Variants in ERBB4 observed in about 807,000 individuals in gnomAD.
ERBB4 encodes the protein erb-b2 receptor tyrosine kinase 4.
In ERBB4, 42 loss-of-function variants were observed where a neutral mutation model predicts 158.0. The observed-to-expected ratio is 0.27, with a 90% CI of 0.21 to 0.34. ERBB4 has a LOEUF of 0.34. Among genes scored for constraint, ERBB4 ranks in the 10% least tolerant of loss-of-function variants. The pLI is 1.00. For synonymous variants in ERBB4, 583 were observed against 558.7 expected, an observed-to-expected ratio of 1.04 and a Z score of -0.61; for missense variants, 1,333 against 1,624.1, an observed-to-expected ratio of 0.82 and a Z score of 3.08.
intron 3 of ERBB4, among the ~76,000 whole-genome samples, chr2:211,801,959 A>T (rs2076506784): frequency 6.6e-6 from 1 of 152,178 alleles, no homozygotes; most frequent in Admixed American, 6.5e-5. Flanking sequence ...TAATCAGATT[A>T]GCATAAAACT....
At chr2:212,198,991 C>G (rs753615117) in intron 1 of ERBB4, among the ~76,000 whole-genome samples, 1 of 151,912 alleles carries the variant, frequency 6.6e-6, no homozygotes, top group African/African-American at 2.4e-5. Context: ...AATATCTGTT[C>G]GAGTCTCCAC....
At chr2:212,153,334 G>T (rs2080929784) in intron 1 of ERBB4, among the ~76,000 whole-genome samples, 1 of 152,084 alleles carries the variant, frequency 6.6e-6, no homozygotes, top group Non-Finnish European at 1.5e-5. Context: ...AAGTGAGTAA[G>T]AACACAAGAC....
chr2:211,439,063 G>A (rs2063918088), intron 20 of ERBB4, among the ~76,000 whole-genome samples: 1 of 151,942 alleles, frequency 6.6e-6, no homozygotes, highest in Admixed American at 6.6e-5. Context: ...ATGCTGTGGT[G>A]GGCTGCCCAG....
intron 1 of ERBB4, among the ~76,000 whole-genome samples, chr2:212,372,918 A>C (rs2090138600): frequency 1.3e-5 from 2 of 152,284 alleles, no homozygotes; most frequent in South Asian, 4.1e-4. Flanking sequence ...ATCTCTCAAG[A>C]CAAGATTAAA....
At chr2:212,462,951 G>A (rs1393553291) in intron 1 of ERBB4, among the ~76,000 whole-genome samples, 1 of 152,058 alleles carries the variant, frequency 6.6e-6, no homozygotes, top group Non-Finnish European at 1.5e-5. Flanking sequence ...GTCATTTATG[G>A]CAACATGGAT....
At chr2:212,526,655 CAT>C (rs1233450315) in intron 1 of ERBB4, among the ~76,000 whole-genome samples, 1 of 88,090 alleles carries the variant, frequency 1.1e-5, no homozygotes, top group East Asian at 3.1e-4. Context: ...AATTTGTTAA[CAT>C]ATTAGTTAAA....
At chr2:212,048,119 C>A (rs761417532) in intron 2 of ERBB4, among the ~76,000 whole-genome samples, 1 of 151,990 alleles carries the variant, frequency 6.6e-6, no homozygotes, top group Admixed American at 6.6e-5. Context: ...ATGACAAAGG[C>A]CTTTGGGCAG....
At chr2:211,961,696 T>C (rs2081184053) in intron 2 of ERBB4, among the ~76,000 whole-genome samples, 1 of 152,136 alleles carries the variant, frequency 6.6e-6, no homozygotes, top group Non-Finnish European at 1.5e-5. Context: ...TGGATCCAGC[T>C]GCCATTTGTT....
At chr2:212,506,897 T>C (rs1336127342) in intron 1 of ERBB4, among the ~76,000 whole-genome samples, 1 of 152,148 alleles carries the variant, frequency 6.6e-6, no homozygotes, top group African/African-American at 2.4e-5. Flanking sequence ...AAACAACAGA[T>C]TTTCCATGGA....
chr2:212,529,313 A>G (rs1692619710), intron 1 of ERBB4, among the ~76,000 whole-genome samples: 1 of 152,212 alleles, frequency 6.6e-6, no homozygotes, highest in South Asian at 2.1e-4. Flanking sequence ...CATGTTTAAA[A>G]GTGGTATCCA....
chr2:211,937,578 GA>G (rs2080361602), intron 3 of ERBB4, among the ~76,000 whole-genome samples: 1 of 152,106 alleles, frequency 6.6e-6, no homozygotes, highest in Admixed American at 6.6e-5. Flanking sequence ...CATGGCTGGG[GA>G]GGCCTCATGA....
chr2:212,516,876 G>A (rs1575068221), intron 1 of ERBB4, among the ~76,000 whole-genome samples: 2 of 152,220 alleles, frequency 1.3e-5, no homozygotes, highest in Admixed American at 1.3e-4. Context: ...GTGAGGTATT[G>A]AAGAAATGAA....
At chr2:212,231,297 A>G (rs1574482287) in intron 1 of ERBB4, among the ~76,000 whole-genome samples, 1 of 152,334 alleles carries the variant, frequency 6.6e-6, no homozygotes, top group East Asian at 1.9e-4. Context: ...GAAAGGAAAA[A>G]AAAAACAGGT....
chr2:212,000,514 T>C (rs75854405), intron 2 of ERBB4, among the ~76,000 whole-genome samples: 4,820 of 151,988 alleles, frequency 0.032, 77 homozygotes, highest in African/African-American at 0.048. Context: ...TCCCCTCATT[T>C]AGTAATCATT....
intron 3 of ERBB4, among the ~76,000 whole-genome samples, chr2:211,860,734 G>T (rs970708079): frequency 8.6e-5 from 13 of 150,802 alleles, no homozygotes; most frequent in Non-Finnish European, 1.9e-4. Context: ...AAATACTTAT[G>T]CAATGTTTTA....
chr2:212,182,794 C>T (rs995943729), intron 1 of ERBB4, among the ~76,000 whole-genome samples: 10 of 151,428 alleles, frequency 6.6e-5, no homozygotes, highest in African/African-American at 2.2e-4. Flanking sequence ...TGGAGAGTTG[C>T]TTAAATGTTC....
intron 2 of ERBB4, among the ~76,000 whole-genome samples, chr2:212,123,635 G>C (rs1280953205): frequency 6.6e-6 from 1 of 152,134 alleles, no homozygotes; most frequent in African/African-American, 2.4e-5. Flanking sequence ...CCAACTATGA[G>C]AGTCGTTTTA....
chr2:211,916,120 A>T (rs972966523), intron 3 of ERBB4, among the ~76,000 whole-genome samples: 1 of 151,888 alleles, frequency 6.6e-6, no homozygotes, highest in Non-Finnish European at 1.5e-5. Flanking sequence ...CCATATCTCA[A>T]ACAGTAGAAA....
At chr2:211,771,559 G>C (rs1023000219) in intron 4 of ERBB4, among the ~76,000 whole-genome samples, 2 of 152,178 alleles carry the variant, frequency 1.3e-5, no homozygotes, top group African/African-American at 4.8e-5. Flanking sequence ...GCAAAAGTTA[G>C]CATGAGTGCA....
Sources: allele counts gnomAD v4.1 joint callset (sites outside exome capture counted in the v4.1 genomes callset), GRCh38; gene constraint gnomAD v4.1.1; transcripts MANE v1.5; gene names NCBI Gene and HGNC (gene_info 2026-07-23, HGNC 2026-07-21).